The following KIF5C variants were observed in gnomAD, a reference collection of about 807,000 sequenced individuals.
The protein encoded by KIF5C is kinesin family member 5C, also known as kinesin heavy chain isoform 5C.
A neutral mutation model predicts 125.2 loss-of-function variants in KIF5C; 18 were observed. That is an observed-to-expected ratio of 0.14 (90% CI 0.10 to 0.21). The LOEUF (loss-of-function observed/expected upper bound fraction) is 0.21, where lower values mean the gene tolerates loss of function less well. Ranked by LOEUF, KIF5C falls within the 10% of genes least tolerant of loss-of-function variation. The pLI, the probability that KIF5C is intolerant of heterozygous loss-of-function variation, is 1.00. For missense variants in KIF5C, 780 were observed against 1,183.8 expected (o/e 0.66, Z 5.01); for synonymous variants, 405 against 434.0 (o/e 0.93, Z 0.83).
At chr2:148,955,698 G>C (rs1682775358) in intron 10 of KIF5C, among the ~76,000 whole-genome samples, 1 of 151,844 alleles carries the variant, frequency 6.6e-6, no homozygotes, top group South Asian at 2.1e-4. Context: ...TATTGGTTCT[G>C]TTTCTCTGGA....
At chr2:149,018,175 G>A (rs1165492098) in intron 25 of KIF5C, among the ~76,000 whole-genome samples, 1 of 150,566 alleles carries the variant, frequency 6.6e-6, no homozygotes, top group Non-Finnish European at 1.5e-5. Flanking sequence ...TGTAGCTCCA[G>A]TGACTTGGAA....
intron 21 of KIF5C, among the ~76,000 whole-genome samples, chr2:149,001,821 T>A (rs2105188180): frequency 6.6e-6 from 1 of 152,350 alleles, no homozygotes; most frequent in Non-Finnish European, 1.5e-5. Flanking sequence ...TTTGGCTCCG[T>A]TCATGGGTCA....
intron 2 of KIF5C, among the ~76,000 whole-genome samples, chr2:148,928,474 C>T (rs1682088648): frequency 1.3e-5 from 2 of 152,328 alleles, no homozygotes; most frequent in East Asian, 1.9e-4. Context: ...TTAATCACCT[C>T]TGCTGCTTTG....
intron 1 of KIF5C, among the ~76,000 whole-genome samples, chr2:148,899,807 A>T (rs1422094516): frequency 1.3e-5 from 2 of 151,710 alleles, no homozygotes; most frequent in South Asian, 4.1e-4. Flanking sequence ...CAGCCAAGTC[A>T]TGGGTATTTC....
intron 1 of KIF5C, among the ~76,000 whole-genome samples, chr2:148,890,342 T>G (rs1681669755): frequency 6.6e-6 from 1 of 152,032 alleles, no homozygotes; most frequent in Admixed American, 6.6e-5. Context: ...CTACAGAATA[T>G]TTTTAAAAAT....
At position 149,023,177 on chromosome 2, in the gene KIF5C, A is replaced by G. The variant is rs531854455; in HGVS notation, c.*107A>G. 2 of 151,950 alleles carry G rather than the reference A, an allele frequency of 1.3e-5. No individual in the cohort carries two copies. The highest frequency in any genetic ancestry group is 4.8e-5 in the African/African-American group (2 of 41,414). 9.4% of individuals were successfully genotyped at this position (151,950 alleles called of 1,614,324 possible). On this transcript the variant is annotated 3_prime_UTR_variant, in exon 26 of 26. Coordinates refer to ENST00000435030, the MANE Select transcript of KIF5C (RefSeq NM_004522.3). ...TTTTTTTTTTATACTTGCTTACTCC[A>G]GCCATCTGCAGTACACCAGTTTCAG...
chr2:148,979,307 C>T (rs1254580977), intron 13 of KIF5C, among the ~76,000 whole-genome samples: 1 of 152,040 alleles, frequency 6.6e-6, no homozygotes, highest in Non-Finnish European at 1.5e-5. Flanking sequence ...TTTTTTGAGA[C>T]AGGGTCTCTC....
intron 1 of KIF5C, among the ~76,000 whole-genome samples, chr2:148,904,974 T>C (rs566273706): frequency 6.6e-6 from 1 of 152,328 alleles, no homozygotes; most frequent in South Asian, 2.1e-4. Flanking sequence ...TAATCTCTAA[T>C]ACTTTGGAAT....
At chr2:148,969,769 T>G (rs758409241) in intron 11 of KIF5C, among the ~76,000 whole-genome samples, 8 of 152,152 alleles carry the variant, frequency 5.3e-5, no homozygotes, top group Non-Finnish European at 1.2e-4. Context: ...TATTCTCCAT[T>G]AACGTGGTGA....
At chr2:148,934,906 ACG>A in intron 3 of KIF5C, 1 of 233,644 alleles carries the variant, frequency 4.3e-6, no homozygotes. Flanking sequence ...ACACACACAC[ACG>A]TGCACACTCC....
intron 10 of KIF5C, among the ~76,000 whole-genome samples, chr2:148,959,972 C>T (rs1682886304): frequency 6.6e-6 from 1 of 152,208 alleles, no homozygotes; most frequent in Non-Finnish European, 1.5e-5. Context: ...GTAGTAATGG[C>T]TCCCCAGTCC....
intron 8 of KIF5C, chr2:148,948,072 G>T (rs983386652): frequency 1.5e-5 from 7 of 452,936 alleles, no homozygotes; most frequent in Admixed American, 1.4e-4. Flanking sequence ...ATGGGGCCGG[G>T]TGCAGTGGCT....
intron 15 of KIF5C, among the ~76,000 whole-genome samples, chr2:148,985,890 G>A (rs1681369866): frequency 6.6e-6 from 1 of 152,188 alleles, no homozygotes; most frequent in Admixed American, 6.5e-5. Context: ...TATTGTAACT[G>A]ATTATTTCAT....
intron 7 of KIF5C, among the ~76,000 whole-genome samples, chr2:148,944,224 A>G (rs1287554279): frequency 1.3e-5 from 2 of 152,172 alleles, no homozygotes; most frequent in African/African-American, 4.8e-5. Flanking sequence ...CATTTATGTG[A>G]TGTTAAGTAC....
chr2:148,990,694 A>G (rs777465900), intron 15 of KIF5C, among the ~76,000 whole-genome samples: 7 of 152,172 alleles, frequency 4.6e-5, no homozygotes, highest in Non-Finnish European at 7.3e-5. Context: ...TGAATGGAAT[A>G]CCTTTTTGAA....
chr2:149,019,701 T>C (rs1377780551), intron 25 of KIF5C, among the ~76,000 whole-genome samples: 1 of 152,238 alleles, frequency 6.6e-6, no homozygotes, highest in East Asian at 1.9e-4. Flanking sequence ...GTAATTCTTA[T>C]AATGTGGGGA....
At chr2:148,934,806 C>T (rs746667304) in intron 3 of KIF5C, among the ~76,000 whole-genome samples, 2 of 151,888 alleles carry the variant, frequency 1.3e-5, no homozygotes, top group African/African-American at 2.4e-5. Flanking sequence ...CCCCCACACA[C>T]GCAGACGTAG....
intron 9 of KIF5C, 81 bp from the exon 10 acceptor site, chr2:148,950,233 G>A (rs1416719931): frequency 4.6e-5 from 71 of 1,547,846 alleles, no homozygotes; most frequent in Non-Finnish European, 6.2e-5. Context: ...TAAGCTCAGT[G>A]TCTTCATCCC....
At chr2:148,936,428 G>C (rs969634565) in intron 3 of KIF5C, among the ~76,000 whole-genome samples, 2 of 152,186 alleles carry the variant, frequency 1.3e-5, no homozygotes, top group African/African-American at 2.4e-5. Flanking sequence ...TTGACGGTGG[G>C]CTTAGGCAAA....
Sources: allele counts gnomAD v4.1 joint callset (sites outside exome capture counted in the v4.1 genomes callset), GRCh38; gene constraint gnomAD v4.1.1; transcripts MANE v1.5; gene names NCBI Gene and HGNC (gene_info 2026-07-23, HGNC 2026-07-21).